COL4A1: variants seen among roughly 807,000 people sequenced by gnomAD.
COL4A1 encodes collagen alpha-1(IV) chain.
A neutral mutation model predicts 216.6 loss-of-function variants in COL4A1; 40 were observed. The observed-to-expected ratio is 0.18, with a 90% CI of 0.14 to 0.24. The LOEUF is 0.24. Among genes scored for constraint, COL4A1 ranks in the 10% least tolerant of loss-of-function variants. The pLI, the probability that COL4A1 is intolerant of heterozygous loss-of-function variation, is 1.00. For missense variants in COL4A1, 1,628 were observed against 2,196.8 expected (o/e 0.74, Z 5.18); for synonymous variants, 839 against 810.7 (o/e 1.03, Z -0.59).
At chr13:110,239,674 C>T (rs1045829122) in intron 2 of COL4A1, among the ~76,000 whole-genome samples, 1 of 152,122 alleles carries the variant, frequency 6.6e-6, no homozygotes, top group East Asian at 1.9e-4. Flanking sequence ...TACACTAGGT[C>T]GGCATTTCTA....
chr13:110,171,457 T>C (rs1877639393), intron 41 of COL4A1, among the ~76,000 whole-genome samples: 1 of 152,190 alleles, frequency 6.6e-6, no homozygotes, highest in South Asian at 2.1e-4. Flanking sequence ...TTGTAGTTTA[T>C]GACCTGTCAG....
chr13:110,249,488 G>A (rs996341139), intron 1 of COL4A1, among the ~76,000 whole-genome samples: 18 of 152,074 alleles, frequency 1.2e-4, no homozygotes, highest in Admixed American at 6.6e-4. Flanking sequence ...TACAGCACCC[G>A]CAGCAAGCTG....
At chr13:110,205,180 T>C (rs902236913) in intron 17 of COL4A1, among the ~76,000 whole-genome samples, 173 bp downstream of exon 17, 3 of 152,268 alleles carry the variant, frequency 2.0e-5, no homozygotes, top group Non-Finnish European at 4.4e-5. Context: ...TATTTTTATT[T>C]TGTAAAAAAT....
intron 1 of COL4A1, among the ~76,000 whole-genome samples, chr13:110,256,007 G>A (rs1882545791): frequency 6.6e-6 from 1 of 152,146 alleles, no homozygotes; most frequent in East Asian, 1.9e-4. Flanking sequence ...TTTCTTAGCT[G>A]GTAATTCTAC....
Position 110,211,575 on chromosome 13 carries a change from T to G in COL4A1, c.468+72A>C. ...CAGCCAAAGTGGTTTAAAGAGAATG[T>G]GCTTCTATGGCACTTGTTGTAAACA... On this transcript the variant is annotated intron_variant, in intron 8 of 51. Transcript: ENST00000375820. The surrounding 1 kb of genome is among the most constrained non-coding windows in gnomAD (Gnocchi z 4.3). 1.4e-6 allele frequency: 2 copies of G among 1,449,974 alleles called. No homozygotes were observed. The highest frequency in any genetic ancestry group is 2.8e-5 in the African/African-American group (2 of 70,778). The allele number at this position is 1,449,974 out of a possible 1,614,324, so 89.8% of individuals were successfully genotyped here. A position where few individuals can be genotyped will look rare whatever the true frequency, so the allele number is the denominator to read the frequency against.
intron 50 of COL4A1, among the ~76,000 whole-genome samples, chr13:110,153,376 C>T (rs930700546): frequency 6.6e-6 from 1 of 152,214 alleles, no homozygotes; most frequent in Non-Finnish European, 1.5e-5. Flanking sequence ...TTCTCTAGAA[C>T]GTCACTATTT....
At chr13:110,168,120 A>T (rs1877429481) in intron 43 of COL4A1, among the ~76,000 whole-genome samples, 1 of 152,090 alleles carries the variant, frequency 6.6e-6, no homozygotes, top group Admixed American at 6.5e-5. Context: ...CCTAGGTTCA[A>T]GCAATTCTCC....
intron 45 of COL4A1, among the ~76,000 whole-genome samples, chr13:110,165,327 C>T (rs757854424): frequency 6.6e-6 from 1 of 152,118 alleles, no homozygotes; most frequent in East Asian, 1.9e-4. Context: ...AAGCAGCCCC[C>T]GCTTCTGACG....
rs1879717941 is a variant in COL4A1, at chr13:110,210,146, C to T, written c.535G>A (p.Gly179Arg). The T allele has an allele frequency of 1.2e-6, 2 of 1,614,042 alleles. No homozygotes were observed. The highest frequency in any genetic ancestry group is 1.7e-6 in the Non-Finnish European group (2 of 1,180,012). The change falls in exon 9 of 52, where the codon GGA (glycine) becomes AGA (arginine). Residue 179 changes from glycine to arginine, a missense_variant. By Grantham distance (125) the Gly-to-Arg change is moderately radical. Coordinates refer to ENST00000375820, the MANE Select transcript of COL4A1 (RefSeq NM_001845.6). ...MLLKGERGFP[G>R]IPGTPGPPGL... ...ATGCTTACTGGAGTCCCTGGGATTC[C>T]GGGAAATCCTCTTTCACCTTTCAAC...
At chr13:110,294,243 C>T (rs1884187325) in intron 1 of COL4A1, among the ~76,000 whole-genome samples, 1 of 152,240 alleles carries the variant, frequency 6.6e-6, no homozygotes, top group African/African-American at 2.4e-5. Flanking sequence ...AAGAGCATCT[C>T]TTTTCTCTGC....
chr13:110,181,396 T>A lies in COL4A1; in HGVS notation c.2096-7A>T. On this transcript the variant is annotated splice_polypyrimidine_tract_variant and splice_region_variant and intron_variant, in intron 28 of 51. Coordinates refer to ENST00000375820, the MANE Select transcript of COL4A1 (RefSeq NM_001845.6). ...CCAGGTAAGCCGTCAACACCTGTTT[T>A]AAAGAGTCAAAAAAAAAAAACAAAC... The A allele has an allele frequency of 6.2e-7, 1 of 1,603,244 alleles. No homozygotes were observed. The highest frequency in any genetic ancestry group is 1.3e-5 in the African/African-American group (1 of 74,172).
At position 110,178,226 on chromosome 13, in the gene COL4A1, G is replaced by A. The variant is rs1281114765; in HGVS notation, c.2464C>T (p.Pro822Ser). ...GQGPPGLSGP[P>S]GIKGEKGFPG... ...AAACCCTTCTCTCCTTTTATTCCAG[G>A]AGGGCCTGCAGTTGGGTGAAACACA... is the stretch of plus-strand genomic sequence containing the variant. Residue 822 changes from proline to serine, a missense_variant, in exon 32 of 52, where the codon CCT becomes TCT. Physicochemically the swap from Pro to Ser is moderately conservative, Grantham distance 74. Coordinates refer to ENST00000375820, the MANE Select transcript of COL4A1 (RefSeq NM_001845.6). 1 of 1,613,890 alleles carries A rather than the reference G, an allele frequency of 6.2e-7. No individual in the cohort carries two copies. Among genetic ancestry groups the A allele is most frequent in the African/African-American group, 1.3e-5 (1 of 75,038 alleles).
At chr13:110,192,425 A>C (rs909514442) in intron 23 of COL4A1, 141 bp from the exon 24 acceptor site, 12 of 846,388 alleles carry the variant, frequency 1.4e-5, no homozygotes, top group Non-Finnish European at 2.3e-5. Flanking sequence ...GTAATAACTA[A>C]AATGCCCAAG....
chr13:110,185,858 T>C (rs1272934813), intron 26 of COL4A1, among the ~76,000 whole-genome samples: 2 of 152,336 alleles, frequency 1.3e-5, no homozygotes, highest in East Asian at 1.9e-4. Context: ...GTTTTGACCA[T>C]GTGTTGTCAA....
intron 8 of COL4A1, 27 bp from the exon 9 acceptor site, chr13:110,210,239 AG>A: frequency 6.2e-7 from 1 of 1,605,714 alleles, no homozygotes; most frequent in Non-Finnish European, 8.5e-7. Context: ...GAAAATAGAA[AG>A]TTGCAAATAT....
rs1005161543 is a variant in COL4A1 at position 110,149,222 on chromosome 13, G to A, written c.*1141C>T. Reference sequence around the variant, plus strand: ...GAATCTGCCCTCCTGCGGTCCATGCGATGCCCTGCTGAGGTCTGTGAACAC... The same window carrying A: ...GAATCTGCCCTCCTGCGGTCCATGCAATGCCCTGCTGAGGTCTGTGAACAC... On this transcript the variant is annotated 3_prime_UTR_variant, in exon 52 of 52. Transcript: ENST00000375820. 5 of 154,698 alleles carry A rather than the reference G, an allele frequency of 3.2e-5. No individual in the cohort carries two copies. Among genetic ancestry groups the A allele is most frequent in the Non-Finnish European group, 5.9e-5 (4 of 68,208 alleles). The allele number at this position is 154,698 out of a possible 1,614,324, so 9.6% of individuals were successfully genotyped here. A position where few individuals can be genotyped will look rare whatever the true frequency, so the allele number is the denominator to read the frequency against.
At chr13:110,158,874 C>T (rs969357176) in intron 49 of COL4A1, among the ~76,000 whole-genome samples, 3 of 151,584 alleles carry the variant, frequency 2.0e-5, no homozygotes, top group Admixed American at 6.6e-5. Context: ...TCCTGAGTAG[C>T]TGGGATTACA....
At chr13:110,222,644 G>C (rs922263024) in intron 2 of COL4A1, among the ~76,000 whole-genome samples, 2 of 146,158 alleles carry the variant, frequency 1.4e-5, no homozygotes, top group Admixed American at 1.4e-4. Flanking sequence ...GTGGTGGCGG[G>C]CACCTGTAGT....
At chr13:110,223,966 C>G (rs1351495695) in intron 2 of COL4A1, among the ~76,000 whole-genome samples, 2 of 152,146 alleles carry the variant, frequency 1.3e-5, no homozygotes, top group Non-Finnish European at 2.9e-5. Context: ...GTCACCACTG[C>G]CAACACTTTG....
Sources: gnomAD v4.1 joint callset for allele counts (sites outside exome capture counted in the v4.1 genomes callset) on GRCh38, gnomAD v4.1.1 for gene constraint, Gnocchi (gnomAD v3.1) non-coding constraint, MANE v1.5 for transcripts, NCBI Gene and HGNC (gene_info 2026-07-23, HGNC 2026-07-21) for gene names.